The following ZC3H3 variants were observed in gnomAD, a reference collection of about 807,000 sequenced individuals.
The protein encoded by ZC3H3 is zinc finger CCCH-type containing 3, also known as zinc finger CCCH domain-containing protein 3.
Under a neutral mutation model 77.3 loss-of-function variants are expected in ZC3H3, and 36 were observed. That is an observed-to-expected ratio of 0.47 (90% CI 0.36 to 0.61). The LOEUF (loss-of-function observed/expected upper bound fraction) is 0.61, where lower values mean the gene tolerates loss of function less well. Ranked by LOEUF, ZC3H3 falls within the 20% of genes least tolerant of loss-of-function variation. ZC3H3 has a pLI of 0.00. For synonymous variants in ZC3H3, 626 were observed against 555.2 expected (o/e 1.13, Z -1.79); for missense variants, 1,331 against 1,312.2 (o/e 1.01, Z -0.22).
In ZC3H3 at chr8:143,439,938, C is replaced by T. The variant is rs1410579404; in HGVS notation, c.2815+103G>A. On this transcript the variant is annotated intron_variant, in intron 11 of 11. Coordinates refer to ENST00000262577, the MANE Select transcript of ZC3H3 (RefSeq NM_015117.3). ...CCAGGCCATGCTGCCTACCTGAGTCCTTGCTGAGGGGGGGGCCCTGGGGGC... is the reference window on the plus strand; with the variant it reads ...CCAGGCCATGCTGCCTACCTGAGTCTTTGCTGAGGGGGGGGCCCTGGGGGC... The T allele has an allele frequency of 2.8e-5, 20 of 719,226 alleles. 2 individuals carry two copies. Among genetic ancestry groups the T allele is most frequent in the Non-Finnish European group, 3.6e-5 (19 of 523,678 alleles). 44.6% of individuals were successfully genotyped at this position (719,226 alleles called of 1,614,324 possible).
chr8:143,463,577 A>G (rs949383954), intron 9 of ZC3H3, among the ~76,000 whole-genome samples: 3 of 152,218 alleles, frequency 2.0e-5, no homozygotes, highest in African/African-American at 7.2e-5. Context: ...ACAGCTGGCT[A>G]TTAAGACTAA....
In ZC3H3 at chr8:143,538,278, C is replaced by T; in HGVS notation, c.1089G>A (p.Lys363=). The change falls in exon 2 of 12, where the codon AAG becomes AAA. Residue 363 remains lysine, a synonymous_variant. Coordinates refer to ENST00000262577, the MANE Select transcript of ZC3H3 (RefSeq NM_015117.3). ...LIADPEPKPR[K]PATSSKPGSA... Reference sequence around the variant, plus strand: ...ACCCTGGCTTGGAGGACGTGGCTGGCTTCCTGGGCTTGGGCTCTGGGTCAG... The same window carrying T: ...ACCCTGGCTTGGAGGACGTGGCTGGTTTCCTGGGCTTGGGCTCTGGGTCAG... 6.2e-7 allele frequency: 1 copy of T among 1,612,988 alleles called. No homozygotes were observed. Among genetic ancestry groups the T allele is most frequent in the Non-Finnish European group, 8.5e-7 (1 of 1,180,036 alleles).
chr8:143,459,130 G>A (rs1221074763), intron 9 of ZC3H3, among the ~76,000 whole-genome samples: 2 of 152,208 alleles, frequency 1.3e-5, no homozygotes, highest in African/African-American at 2.4e-5. Context: ...TTCACTCTGT[G>A]AGGCCAGTAG....
chr8:143,443,372 AAC>A (rs1306433099), intron 9 of ZC3H3, among the ~76,000 whole-genome samples: 1 of 152,026 alleles, frequency 6.6e-6, no homozygotes, highest in Non-Finnish European at 1.5e-5. Flanking sequence ...TATACAAGGA[AAC>A]ACACTGGACA....
chr8:143,517,082 T>C (rs1822080774), intron 3 of ZC3H3, among the ~76,000 whole-genome samples: 1 of 152,116 alleles, frequency 6.6e-6, no homozygotes, highest in African/African-American at 2.4e-5. Context: ...AGAGCCCTAT[T>C]AAAGGGAAGA....
chr8:143,492,332 C>T (rs936613464), intron 4 of ZC3H3, among the ~76,000 whole-genome samples: 4 of 152,118 alleles, frequency 2.6e-5, no homozygotes, highest in Non-Finnish European at 5.9e-5. Flanking sequence ...CCGGTGGCGG[C>T]CACCTCCCTC....
chr8:143,480,453 G>T (rs73715616), intron 4 of ZC3H3, among the ~76,000 whole-genome samples: 1 of 152,218 alleles, frequency 6.6e-6, no homozygotes, highest in African/African-American at 2.4e-5. Context: ...CATGTGGGCC[G>T]TGCAGGCTGA....
intron 9 of ZC3H3, among the ~76,000 whole-genome samples, chr8:143,459,519 A>T (rs563148917): frequency 6.6e-6 from 1 of 152,210 alleles, no homozygotes; most frequent in Non-Finnish European, 1.5e-5. Context: ...AGTGCACTCC[A>T]GCCTGGGCAA....
intron 9 of ZC3H3, among the ~76,000 whole-genome samples, chr8:143,461,218 T>C (rs1820253485): frequency 6.6e-6 from 1 of 152,076 alleles, no homozygotes; most frequent in African/African-American, 2.4e-5. Context: ...AAGCTGTTTT[T>C]CAAAAAAAGA....
intron 10 of ZC3H3, 88 bp downstream of exon 10, chr8:143,440,848 G>A (rs2294115): frequency 0.64 from 817,407 of 1,283,048 alleles, 262,141 homozygotes; most frequent in African/African-American, 0.66. Flanking sequence ...TGGAGTTGGC[G>A]GGAGCTCAAC....
At chr8:143,448,801 G>A (rs1434770234) in intron 9 of ZC3H3, among the ~76,000 whole-genome samples, 1 of 152,260 alleles carries the variant, frequency 6.6e-6, no homozygotes, top group Non-Finnish European at 1.5e-5. Context: ...TTTCCCCCTA[G>A]CAGAAGTTCT....
chr8:143,496,439 T>A (rs548225408), intron 4 of ZC3H3, among the ~76,000 whole-genome samples: 142 of 152,050 alleles, frequency 9.3e-4, no homozygotes, highest in African/African-American at 3.3e-3. Context: ...AGAGGACACA[T>A]CAAAGGGACG....
At position 143,538,784 on chromosome 8, in the gene ZC3H3, C is replaced by T; in HGVS notation, c.583G>A (p.Glu195Lys). Reference sequence around the variant, plus strand: ...TTCACCATCCTGGGCTTACCAGGCTCCTTCTGGCAGACCAGAAGAGGATCT... The same window carrying T: ...TTCACCATCCTGGGCTTACCAGGCTTCTTCTGGCAGACCAGAAGAGGATCT... ...VEDPLLVCQK[E>K]PGKPRMVKSV... The change falls in exon 2 of 12, where the codon GAG (glutamate) becomes AAG (lysine). Residue 195 changes from glutamate to lysine, a missense_variant. Physicochemically the swap from Glu to Lys is moderately conservative, Grantham distance 56 (BLOSUM62 1). This residue lies in a region of ZC3H3 where 978 missense variants were observed against 915.5 expected (regional missense o/e 1.07). Transcript: ENST00000262577. 1 of 1,612,296 alleles carries T rather than the reference C, an allele frequency of 6.2e-7. No homozygotes were observed. Among genetic ancestry groups the T allele is most frequent in the South Asian group, 1.1e-5 (1 of 91,036 alleles).
chr8:143,438,875 T>C (rs1251458173), intron 11 of ZC3H3, among the ~76,000 whole-genome samples: 1 of 152,168 alleles, frequency 6.6e-6, no homozygotes, highest in Non-Finnish European at 1.5e-5. Context: ...GGCTACAGAC[T>C]ACACAGGCTC....
At chr8:143,474,669 G>C (rs1172752376) in intron 5 of ZC3H3, among the ~76,000 whole-genome samples, 2 of 152,196 alleles carry the variant, frequency 1.3e-5, no homozygotes, top group Admixed American at 6.5e-5. Flanking sequence ...GCGGGTCGGG[G>C]AGCCAGCATG....
chr8:143,516,525 TCACACACACACACACACA>T (rs57359541), intron 3 of ZC3H3, among the ~76,000 whole-genome samples: 6 of 140,024 alleles, frequency 4.3e-5, no homozygotes, highest in Admixed American at 7.1e-5. Flanking sequence ...AACTTTGCAA[TCACACACACACACACACA>T]CACACACACA....
chr8:143,451,794 A>AAAAG (rs1554637949), intron 9 of ZC3H3, among the ~76,000 whole-genome samples: 4 of 151,666 alleles, frequency 2.6e-5, no homozygotes, highest in African/African-American at 7.3e-5. Context: ...AAAAAAAAAA[A>AAAAG]AAAAGAAAAG....
At chr8:143,461,627 A>G (rs900368030) in intron 9 of ZC3H3, among the ~76,000 whole-genome samples, 7 of 152,156 alleles carry the variant, frequency 4.6e-5, no homozygotes, top group Non-Finnish European at 8.8e-5. Flanking sequence ...GAAAGTGTGG[A>G]GAGCCTCTGC....
chr8:143,438,101 G>C lies in ZC3H3; in HGVS notation c.2816-14C>G, dbSNP rs1819632186. On this transcript the variant is annotated splice_polypyrimidine_tract_variant and intron_variant, in intron 11 of 11. Transcript: ENST00000262577. ...GCAGAGGCTTCCCTATGCAAAGAGG[G>C]CAAAAGTTAGGTGCCCGGAAACCCC... The C allele has an allele frequency of 6.2e-7, 1 of 1,606,918 alleles. No homozygotes were observed. Among genetic ancestry groups the C allele is most frequent in the African/African-American group, 1.3e-5 (1 of 74,834 alleles).
Sources: gnomAD v4.1 joint callset for allele counts (sites outside exome capture counted in the v4.1 genomes callset) on GRCh38, gnomAD v4.1.1 for gene constraint, gnomAD v4.1.1 regional missense constraint, MANE v1.5 for transcripts, NCBI Gene and HGNC (gene_info 2026-07-23, HGNC 2026-07-21) for gene names.